Variants in XRN1 observed in about 807,000 individuals in gnomAD.
The protein encoded by XRN1 is 5'-3' exoribonuclease 1, also known as strand-exchange protein 1 homolog.
A neutral mutation model predicts 222.3 loss-of-function variants in XRN1; 67 were observed. The ratio of observed to expected loss-of-function variants is 0.30; its 90% CI spans 0.25 to 0.37. The LOEUF (loss-of-function observed/expected upper bound fraction) is 0.37, where lower values mean the gene tolerates loss of function less well. Among genes scored for constraint, XRN1 ranks in the 10% least tolerant of loss-of-function variants. XRN1 has a pLI of 1.00. For synonymous variants in XRN1, 643 were observed against 652.4 expected (o/e 0.99, Z 0.22); for missense variants, 1,707 against 2,000.2 (o/e 0.85, Z 2.80).
At chr3:142,339,907 A>C (rs1001307408) in intron 33 of XRN1, among the ~76,000 whole-genome samples, 2 of 152,268 alleles carry the variant, frequency 1.3e-5, no homozygotes, top group Non-Finnish European at 2.9e-5. Flanking sequence ...ATTCTATCAG[A>C]TACATTTCAC....
intron 33 of XRN1, 123 bp from the exon 34 acceptor site, chr3:142,335,632 T>C (rs1244710707): frequency 2.4e-6 from 2 of 831,358 alleles, no homozygotes; most frequent in African/African-American, 1.7e-5. Flanking sequence ...ACACAGTCTC[T>C]GAACTTAAGG....
At chr3:142,363,219 TGTAAG>T (rs1485304533) in intron 29 of XRN1, among the ~76,000 whole-genome samples, 6 of 152,148 alleles carry the variant, frequency 3.9e-5, no homozygotes, top group Non-Finnish European at 8.8e-5. Flanking sequence ...CTATAGAAGA[TGTAAG>T]GTAAGGAGTT....
At chr3:142,427,526 AATC>A (rs1166623102) in intron 2 of XRN1, among the ~76,000 whole-genome samples, 1 of 152,216 alleles carries the variant, frequency 6.6e-6, no homozygotes. Context: ...TAATGATCTT[AATC>A]ATCATTTAAT....
Position 142,414,185 on chromosome 3 carries a change from G to A in XRN1, c.1543C>T (p.Leu515Phe). 2 of 1,613,828 alleles carry A rather than the reference G, an allele frequency of 1.2e-6. No homozygotes were observed. Among genetic ancestry groups the A allele is most frequent in the Non-Finnish European group, 1.7e-6 (2 of 1,179,842 alleles). The change falls in exon 14 of 41, where the codon CTT becomes TTT. Residue 515 changes from leucine to phenylalanine, a missense_variant. Physicochemically the swap from Leu to Phe is conservative, Grantham distance 22. Transcript: ENST00000392981. ...TTGCTGGCTGCTGGAAGTACAGCAA[G>A]AAGCTGTTCAAATGGCTTAAAAGGT... ...GKPFKPFEQLLAVLPAASKNL... is the reference protein window; with the variant it reads ...GKPFKPFEQLFAVLPAASKNL...
In XRN1 at chr3:142,329,514, T is replaced by C; in HGVS notation, c.4324A>G (p.Thr1442Ala). 6.3e-7 allele frequency: 1 copy of C among 1,597,924 alleles called. No homozygotes were observed. Among genetic ancestry groups the C allele is most frequent in the Non-Finnish European group, 8.5e-7 (1 of 1,174,608 alleles). The change falls in exon 37 of 41, where the codon ACA (threonine) becomes GCA (alanine). Residue 1442 changes from threonine (T) to alanine (A), a missense_variant. By Grantham distance (58) the Thr-to-Ala change is moderately conservative. Around this residue, in one of 2 missense-constraint regions of XRN1, gnomAD observed 473 missense variants for 482.0 expected, o/e 0.98. Coordinates refer to ENST00000392981, the MANE Select transcript of XRN1 (RefSeq NM_001282857.2). ...PAPSQIPPVS[T>A]PVTELSRICS... Reference sequence around the variant, plus strand: ...ATTCGAGAAAGTTCAGTTACTGGTGTGGATACAGGAGGGATCTGGCTGGGG... The same window carrying C: ...ATTCGAGAAAGTTCAGTTACTGGTGCGGATACAGGAGGGATCTGGCTGGGG...
chr3:142,433,526 C>T (rs901323591), intron 1 of XRN1, among the ~76,000 whole-genome samples: 7 of 152,108 alleles, frequency 4.6e-5, no homozygotes, highest in Non-Finnish European at 8.8e-5. Flanking sequence ...ACCTTAATGG[C>T]TCTCTCATTT....
At chr3:142,415,088 A>T (rs2068732049) in intron 13 of XRN1, among the ~76,000 whole-genome samples, 1 of 152,224 alleles carries the variant, frequency 6.6e-6, no homozygotes, top group African/African-American at 2.4e-5. Flanking sequence ...AGTCAGATCT[A>T]AGAACTTTTA....
chr3:142,329,525 G>T lies in XRN1; in HGVS notation c.4313C>A (p.Pro1438His). 1 of 1,602,096 alleles carries T rather than the reference G, an allele frequency of 6.2e-7. No homozygotes were observed. The highest frequency in any genetic ancestry group is 8.5e-7 in the Non-Finnish European group (1 of 1,175,784). ...NMCWPAPSQI[P>H]PVSTPVTELS... ...TTCAGTTACTGGTGTGGATACAGGAGGGATCTGGCTGGGGGCAGGCCAACA... is the reference window on the plus strand; with the variant it reads ...TTCAGTTACTGGTGTGGATACAGGATGGATCTGGCTGGGGGCAGGCCAACA... The change falls in exon 37 of 41, where the codon CCT becomes CAT. Residue 1438 changes from proline (P) to histidine (H), a missense_variant. This residue lies in a region of XRN1 where 473 missense variants were observed against 482.0 expected (regional missense o/e 0.98). Transcript: ENST00000392981.
chr3:142,366,610 G>C (rs1020336070), intron 27 of XRN1, among the ~76,000 whole-genome samples: 1 of 152,124 alleles, frequency 6.6e-6, no homozygotes, highest in Non-Finnish European at 1.5e-5. Context: ...AAATGAAGCA[G>C]TTAAGGAGGA....
chr3:142,404,857 T>C, intron 16 of XRN1, 50 bp downstream of exon 16: 1 of 1,585,700 alleles, frequency 6.3e-7, no homozygotes, highest in Non-Finnish European at 8.6e-7. Context: ...TCTCGCACCC[T>C]TGTGTTAGGA....
At chr3:142,317,356 C>T (rs2065239415) in intron 39 of XRN1, among the ~76,000 whole-genome samples, 1 of 152,082 alleles carries the variant, frequency 6.6e-6, no homozygotes, top group Non-Finnish European at 1.5e-5. Context: ...TCTTATTTTA[C>T]AGCTTTTATC....
chr3:142,426,696 T>C, intron 3 of XRN1, 48 bp downstream of exon 3: 1 of 1,548,922 alleles, frequency 6.5e-7, no homozygotes, highest in Non-Finnish European at 8.8e-7. Flanking sequence ...AACCAAGTTT[T>C]CAATTTATAT....
At chr3:142,359,228 T>C (rs2066550641) in intron 30 of XRN1, among the ~76,000 whole-genome samples, 1 of 152,170 alleles carries the variant, frequency 6.6e-6, no homozygotes. Flanking sequence ...CCTTTAAACC[T>C]CCTAACCTCC....
chr3:142,432,420 C>CAACA (rs937555176), intron 2 of XRN1, among the ~76,000 whole-genome samples: 7 of 150,344 alleles, frequency 4.7e-5, no homozygotes, highest in African/African-American at 1.5e-4. Context: ...GATTCTGTCT[C>CAACA]AACAAACAAA....
intron 33 of XRN1, among the ~76,000 whole-genome samples, chr3:142,341,415 G>T (rs920164462): frequency 5.9e-5 from 9 of 151,616 alleles, no homozygotes; most frequent in Admixed American, 5.3e-4. Flanking sequence ...ATAACAAAGT[G>T]GCAGGAGTAA....
At chr3:142,332,829 G>C in intron 35 of XRN1, 138 bp downstream of exon 35, 1 of 1,341,190 alleles carries the variant, frequency 7.5e-7, no homozygotes, top group Non-Finnish European at 1.0e-6. Flanking sequence ...GGGCAGCCTG[G>C]TTTCCTCACA....
intron 33 of XRN1, among the ~76,000 whole-genome samples, chr3:142,346,262 C>T (rs536032197): frequency 1.5e-3 from 222 of 152,268 alleles, no homozygotes; most frequent in African/African-American, 4.5e-3. Flanking sequence ...CCAAGACCCT[C>T]CTGTGGCTAT....
At chr3:142,395,751 A>G (rs922309442) in intron 20 of XRN1, among the ~76,000 whole-genome samples, 2 of 152,196 alleles carry the variant, frequency 1.3e-5, no homozygotes, top group African/African-American at 4.8e-5. Flanking sequence ...TTTGGTTTAC[A>G]TGATATAACC....
At chr3:142,379,817 C>A (rs2067249724) in intron 23 of XRN1, among the ~76,000 whole-genome samples, 1 of 152,192 alleles carries the variant, frequency 6.6e-6, no homozygotes, top group East Asian at 1.9e-4. Context: ...AATCAATGTG[C>A]CTCTTATAAG....
Sources: allele counts gnomAD v4.1 joint callset (sites outside exome capture counted in the v4.1 genomes callset), GRCh38; gene constraint gnomAD v4.1.1; regional missense constraint gnomAD v4.1.1; transcripts MANE v1.5; gene names NCBI Gene and HGNC (gene_info 2026-07-23, HGNC 2026-07-21).